Variants in EFNA5 observed in about 807,000 individuals in gnomAD.
EFNA5 encodes ephrin-A5.
In EFNA5, 5 loss-of-function variants were observed where a neutral mutation model predicts 22.9. That is an observed-to-expected ratio of 0.22 (90% confidence interval 0.11 to 0.46). The LOEUF is 0.46. EFNA5 is among the 20% of genes least tolerant of loss of function. The pLI is 0.99. For synonymous variants in EFNA5, 113 were observed against 112.2 expected (o/e 1.01, Z -0.04); for missense variants, 237 against 293.3 (o/e 0.81, Z 1.40).
At chr5:107,438,562 T>A (rs1180374311) in intron 1 of EFNA5, among the ~76,000 whole-genome samples, 1 of 152,174 alleles carries the variant, frequency 6.6e-6, no homozygotes, top group Non-Finnish European at 1.5e-5. Flanking sequence ...TTGCTCCAGT[T>A]AGCAGGAGTC....
At chr5:107,445,268 C>A (rs140351347) in intron 1 of EFNA5, among the ~76,000 whole-genome samples, 4 of 152,270 alleles carry the variant, frequency 2.6e-5, no homozygotes, top group African/African-American at 4.8e-5. Flanking sequence ...AGTGATCTGC[C>A]TGGCTGGGCC....
intron 1 of EFNA5, among the ~76,000 whole-genome samples, chr5:107,459,418 A>G (rs1749779129): frequency 6.6e-6 from 1 of 152,060 alleles, no homozygotes; most frequent in South Asian, 2.1e-4. Context: ...AGCAGAACAA[A>G]GGCTAGAACT....
chr5:107,466,273 T>A lies in EFNA5; in HGVS notation c.126-38764A>T, dbSNP rs183942994. On this transcript the variant is annotated intron_variant, in intron 1 of 4. Coordinates refer to ENST00000333274, the MANE Select transcript of EFNA5 (RefSeq NM_001962.3). ...TCATAAGTCGTGTTAAGCCATGATG[T>A]GTCAAAGGTGCAGGTATTAAATGCT... is the stretch of plus-strand genomic sequence containing the variant. 2.4e-3 allele frequency among the ~76,000 whole-genome samples: 358 copies of A among 152,260 alleles called. 1 individual carries two copies. Among genetic ancestry groups the A allele is most frequent in the African/African-American group, 7.7e-3 (319 of 41,558 alleles).
intron 1 of EFNA5, among the ~76,000 whole-genome samples, chr5:107,544,327 C>T (rs773508162): frequency 3.0e-4 from 45 of 152,274 alleles, no homozygotes; most frequent in Non-Finnish European, 4.0e-4. Flanking sequence ...AATCTCTCAA[C>T]GCGTAGTGCA....
At chr5:107,670,456 G>A in intron 1 of EFNA5, 33 bp downstream of exon 1, 1 of 1,541,326 alleles carries the variant, frequency 6.5e-7, no homozygotes, top group Non-Finnish European at 8.8e-7. Context: ...CGAGGCCCGG[G>A]TAGCCCTGGC....
intron 1 of EFNA5, among the ~76,000 whole-genome samples, chr5:107,616,160 T>C (rs1749908552): frequency 6.6e-6 from 1 of 152,172 alleles, no homozygotes; most frequent in East Asian, 1.9e-4. Flanking sequence ...TAAAGAAGTT[T>C]GGAGAATGAA....
At chr5:107,589,562 G>C (rs997999469) in intron 1 of EFNA5, among the ~76,000 whole-genome samples, 8 of 152,168 alleles carry the variant, frequency 5.3e-5, no homozygotes, top group African/African-American at 1.9e-4. Flanking sequence ...GAAATACATG[G>C]AGTTTCTTCT....
intron 1 of EFNA5, among the ~76,000 whole-genome samples, chr5:107,483,021 C>T (rs571473744): frequency 1.3e-5 from 2 of 152,056 alleles, no homozygotes; most frequent in South Asian, 2.1e-4. Context: ...TCATGAACCT[C>T]GGGAAAACAA....
rs1447504164 is a variant in EFNA5 at position 107,496,355 on chromosome 5, A to AC, written c.126-68847_126-68846insG. Among the ~76,000 whole-genome samples, 524 of 140,724 alleles carry AC rather than the reference A, an allele frequency of 3.7e-3. 9 individuals are homozygous for AC. The highest frequency in any genetic ancestry group is 0.013 in the African/African-American group (498 of 38,382). 92.3% of individuals were successfully genotyped at this position (140,724 alleles called of 152,430 possible). Reference sequence around the variant, plus strand: ...CCATCTCAAAAAAAAAAAAAAAAACAAAAAAACAAAAAACAACAACTACCC... The same window carrying AC: ...CCATCTCAAAAAAAAAAAAAAAAACACAAAAAACAAAAAACAACAACTACCC... On this transcript the variant is annotated intron_variant, in intron 1 of 4. Coordinates refer to ENST00000333274, the MANE Select transcript of EFNA5 (RefSeq NM_001962.3).
intron 1 of EFNA5, among the ~76,000 whole-genome samples, chr5:107,563,627 G>T (rs1027038185): frequency 6.6e-6 from 1 of 151,994 alleles, no homozygotes; most frequent in African/African-American, 2.4e-5. Flanking sequence ...TAGAAATGGG[G>T]TCTCACTATG....
rs1183308503 is a variant in EFNA5, at chr5:107,569,557, ATT to A, written c.125+100930_125+100931del. On this transcript the variant is annotated intron_variant, in intron 1 of 4. Transcript: ENST00000333274. ...TATATATATATGTGTGTATATATAT[ATT>A]TATATATATATATATATATATATAT... Among the ~76,000 whole-genome samples, 255 of 89,076 alleles carry A rather than the reference ATT, an allele frequency of 2.9e-3. 4 individuals carry two copies. Among genetic ancestry groups the A allele is most frequent in the African/African-American group, 8.7e-3 (235 of 27,044 alleles). 58.4% of individuals were successfully genotyped at this position (89,076 alleles called of 152,430 possible). A position where few individuals can be genotyped will look rare whatever the true frequency, so the allele number is the denominator to read the frequency against.
At chr5:107,405,140 G>T (rs1361670422) in intron 2 of EFNA5, among the ~76,000 whole-genome samples, 1 of 152,210 alleles carries the variant, frequency 6.6e-6, no homozygotes, top group Non-Finnish European at 1.5e-5. Context: ...TACTCGCCAT[G>T]AAAGAAGACA....
At chr5:107,662,504 G>A (rs1750983358) in intron 1 of EFNA5, among the ~76,000 whole-genome samples, 1 of 152,024 alleles carries the variant, frequency 6.6e-6, no homozygotes. Context: ...TAGGTCACTT[G>A]GTTTTCCAAA....
chr5:107,638,038 A>G (rs1396298647), intron 1 of EFNA5, among the ~76,000 whole-genome samples: 1 of 148,544 alleles, frequency 6.7e-6, no homozygotes, highest in East Asian at 2.0e-4. Context: ...TTTTTTTAGT[A>G]GAGACGGGGT....
chr5:107,522,485 A>G (rs756841736), intron 1 of EFNA5, among the ~76,000 whole-genome samples: 1 of 152,092 alleles, frequency 6.6e-6, no homozygotes, highest in South Asian at 2.1e-4. Flanking sequence ...TGCAGGCTGG[A>G]ACTCCTGAGT....
chr5:107,390,122 G>A (rs1460918849), intron 2 of EFNA5, among the ~76,000 whole-genome samples: 2 of 152,064 alleles, frequency 1.3e-5, no homozygotes, highest in Non-Finnish European at 2.9e-5. Context: ...TGCCTTACTA[G>A]GTCAGTATAA....
chr5:107,654,995 A>G (rs1310169013), intron 1 of EFNA5, among the ~76,000 whole-genome samples: 1 of 147,106 alleles, frequency 6.8e-6, no homozygotes. Flanking sequence ...CAATCTGATC[A>G]ATCAACATGC....
chr5:107,582,519 T>G (rs1231380548), intron 1 of EFNA5, among the ~76,000 whole-genome samples: 1 of 152,154 alleles, frequency 6.6e-6, no homozygotes, highest in Non-Finnish European at 1.5e-5. Flanking sequence ...AAACAAGAAA[T>G]GTGGTATTGC....
Position 107,611,364 on chromosome 5 carries a change from C to T in EFNA5, c.125+59125G>A, listed in dbSNP as rs542666032. Among the ~76,000 whole-genome samples the T allele has an allele frequency of 1.7e-3, 253 of 152,288 alleles. 2 individuals carry two copies. The highest frequency in any genetic ancestry group is 5.9e-3 in the African/African-American group (246 of 41,556). On this transcript the variant is annotated intron_variant, in intron 1 of 4. Transcript: ENST00000333274. ...ATGAAGCAAATACTGTGTCAGCATA[C>T]ACCTTTTTGCTATGTAAAATCACAC...
Sources: gnomAD v4.1 joint callset for allele counts (sites outside exome capture counted in the v4.1 genomes callset) on GRCh38, gnomAD v4.1.1 for gene constraint, MANE v1.5 for transcripts, NCBI Gene and HGNC (gene_info 2026-07-23, HGNC 2026-07-21) for gene names.